Variants in NAA15 observed in about 807,000 individuals in gnomAD.
NAA15 encodes the protein N-alpha-acetyltransferase 15, NatA auxiliary subunit.
A neutral mutation model predicts 114.0 loss-of-function variants in NAA15; 34 were observed. The ratio of observed to expected loss-of-function variants is 0.30; its 90% confidence interval spans 0.23 to 0.40. The LOEUF (loss-of-function observed/expected upper bound fraction) is 0.40, where lower values mean the gene tolerates loss of function less well. NAA15 is among the 10% of genes least tolerant of loss of function. The pLI is 1.00. For missense variants in NAA15, 658 were observed against 1,004.5 expected, an observed-to-expected ratio of 0.66 and a Z score of 4.66; for synonymous variants, 340 against 338.0, an observed-to-expected ratio of 1.01 and a Z score of -0.06.
chr4:139,361,631 T>G (rs1748134019), intron 13 of NAA15, 93 bp from the exon 14 acceptor site: 2 of 751,872 alleles, frequency 2.7e-6, no homozygotes, highest in South Asian at 4.5e-5. Flanking sequence ...GTTTTTTTCA[T>G]GCCAAAGTAA....
Position 139,386,250 on chromosome 4 carries a change from C to T in NAA15, c.2400+20C>T. The T allele has an allele frequency of 7.1e-7, 1 of 1,406,860 alleles. No individual in the cohort carries two copies. Among genetic ancestry groups the T allele is most frequent in the Non-Finnish European group, 1.0e-6 (1 of 1,000,242 alleles). The allele number at this position is 1,406,860 out of a possible 1,614,324, so 87.1% of individuals were successfully genotyped here. A position where few individuals can be genotyped will look rare whatever the true frequency, so the allele number is the denominator to read the frequency against. On this transcript the variant is annotated intron_variant, in intron 19 of 19. Transcript: ENST00000296543. ...CTCCAGGTAAAGAGTTTTTCATAATCTCTCTGTAAGAATACTTAACTACTT... is the reference window on the plus strand; with the variant it reads ...CTCCAGGTAAAGAGTTTTTCATAATTTCTCTGTAAGAATACTTAACTACTT...
At chr4:139,371,003 A>G (rs922832823) in intron 15 of NAA15, among the ~76,000 whole-genome samples, 2 of 152,230 alleles carry the variant, frequency 1.3e-5, no homozygotes, top group African/African-American at 4.8e-5. Flanking sequence ...TGAAACCAAG[A>G]TACTCATTGT....
chr4:139,334,927 T>C (rs942596524), intron 2 of NAA15, among the ~76,000 whole-genome samples: 1 of 152,234 alleles, frequency 6.6e-6, no homozygotes, highest in Non-Finnish European at 1.5e-5. Flanking sequence ...TTTTTTGGCC[T>C]ATCTTTATAA....
At chr4:139,334,293 T>C (rs780835077) in intron 2 of NAA15, 35 bp downstream of exon 2, 2 of 1,360,544 alleles carry the variant, frequency 1.5e-6, no homozygotes, top group Admixed American at 4.5e-5. Flanking sequence ...ACTACATACC[T>C]GTCTGGCCTC....
chr4:139,323,325 C>T (rs936003771), intron 1 of NAA15, among the ~76,000 whole-genome samples: 4 of 152,138 alleles, frequency 2.6e-5, no homozygotes, highest in African/African-American at 9.7e-5. Context: ...TCCCAAAGGT[C>T]TAGGATTACA....
At chr4:139,364,651 C>T (rs1219326810) in intron 14 of NAA15, among the ~76,000 whole-genome samples, 2 of 152,282 alleles carry the variant, frequency 1.3e-5, no homozygotes, top group African/African-American at 2.4e-5. Context: ...ATTAAAACTA[C>T]ATGGTATTGA....
intron 3 of NAA15, among the ~76,000 whole-genome samples, chr4:139,338,860 G>C (rs1352584898): frequency 2.0e-5 from 3 of 152,112 alleles, no homozygotes; most frequent in African/African-American, 7.2e-5. Flanking sequence ...ACCCAGGCTA[G>C]AGTGCAGTGG....
rs147402226 is a variant in NAA15, at chr4:139,315,390, G to C, written c.54+13559G>C. 8.9e-3 allele frequency among the ~76,000 whole-genome samples: 1,353 copies of C among 151,880 alleles called. 30 individuals are homozygous for C. Among genetic ancestry groups the C allele is most frequent in the African/African-American group, 0.031 (1,301 of 41,352 alleles). On this transcript the variant is annotated intron_variant, in intron 1 of 19. Transcript: ENST00000296543. ...AAAAATTAGCCAGGCGTGGTGGTAC[G>C]TGCCTGTAATCCCCGCTACTTGGCA...
intron 11 of NAA15, among the ~76,000 whole-genome samples, 184 bp downstream of exon 11, chr4:139,357,739 AT>A (rs1748002130): frequency 6.6e-6 from 1 of 152,206 alleles, no homozygotes; most frequent in Non-Finnish European, 1.5e-5. Context: ...TAATTTGGTG[AT>A]TTATCTATAT....
chr4:139,357,470 C>G lies in NAA15; in HGVS notation c.1172C>G (p.Ser391Cys), dbSNP rs1346118711. ...CATTATGACAAAATTGGTCAGCCAT[C>G]TATTGCTTTGGAGTACATAAATACT... is the stretch of plus-strand genomic sequence containing the variant. ...AQHYDKIGQPSIALEYINTAI... is the reference protein window; with the variant it reads ...AQHYDKIGQPCIALEYINTAI... The change falls in exon 11 of 20, where the codon TCT (serine) becomes TGT (cysteine). Residue 391 changes from serine to cysteine, a missense_variant. Ser to Cys is a moderately radical substitution (Grantham distance 112). Around this residue, in one of 6 missense-constraint regions of NAA15, gnomAD observed 281 missense variants for 389.1 expected, o/e 0.72. Transcript: ENST00000296543. 1.2e-6 allele frequency: 2 copies of G among 1,613,500 alleles called. No homozygotes were observed. The highest frequency in any genetic ancestry group is 1.7e-6 in the Non-Finnish European group (2 of 1,179,638).
intron 1 of NAA15, among the ~76,000 whole-genome samples, chr4:139,333,082 G>T (rs951647160): frequency 6.6e-6 from 1 of 151,956 alleles, no homozygotes; most frequent in African/African-American, 2.4e-5. Flanking sequence ...TGTAAATACT[G>T]TGTAAATAGT....
Position 139,387,955 on chromosome 4 carries a change from T to C in NAA15, c.2472T>C (p.Tyr824=). ...LGDCKEAAEI[Y]RANCHKLFPY... is the part of the protein sequence containing the mutation. ...ACTGTAAAGAAGCTGCTGAAATTTA[T>C]AGAGCAAATTGTCATAAGCTTTTCC... is the stretch of plus-strand genomic sequence containing the variant. The change falls in exon 20 of 20, where the codon TAT becomes TAC. Residue 824 remains tyrosine, a synonymous_variant. Coordinates refer to ENST00000296543, the MANE Select transcript of NAA15 (RefSeq NM_057175.5). The C allele has an allele frequency of 1.2e-6, 2 of 1,614,062 alleles. No individual in the cohort carries two copies. The highest frequency in any genetic ancestry group is 1.1e-5 in the South Asian group (1 of 91,072).
chr4:139,370,228 G>T lies in NAA15; in HGVS notation c.1771G>T (p.Glu591Ter). The T allele has an allele frequency of 6.5e-7, 1 of 1,544,112 alleles. No homozygotes were observed. Among genetic ancestry groups the T allele is most frequent in the South Asian group, 1.3e-5 (1 of 78,482 alleles). The change falls in exon 15 of 20, where the codon GAG becomes TAG. Residue 591 changes from glutamate to a stop codon, truncating the protein, a stop_gained. Transcript: ENST00000296543. LOFTEE classifies it high-confidence loss of function. ...EADTANMSDK[E>*]LKKLRNKQRR... The stretch of plus-strand genomic sequence containing the variant: ...GCCTGCAGCAAACATGTCTGACAAA[G>T]AGCTAAAGAAGCTACGTAATAAACA...
chr4:139,310,843 T>C (rs1389702509), intron 1 of NAA15, among the ~76,000 whole-genome samples: 1 of 151,800 alleles, frequency 6.6e-6, no homozygotes, highest in Non-Finnish European at 1.5e-5. Flanking sequence ...GGTCTTGAAC[T>C]CCAGGCCTCA....
intron 11 of NAA15, among the ~76,000 whole-genome samples, chr4:139,359,373 C>T (rs72726522): frequency 0.26 from 40,147 of 151,816 alleles, 5,604 homozygotes; most frequent in African/African-American, 0.35. Flanking sequence ...GTGATCCACC[C>T]GGCTCGGCCT....
chr4:139,348,120 G>A (rs1054189551), intron 6 of NAA15, among the ~76,000 whole-genome samples: 14 of 151,650 alleles, frequency 9.2e-5, no homozygotes, highest in Non-Finnish European at 2.9e-5. Flanking sequence ...ATCTCATAGA[G>A]TTCTGAGAAT....
At chr4:139,331,503 G>A (rs572893516) in intron 1 of NAA15, among the ~76,000 whole-genome samples, 11 of 150,304 alleles carry the variant, frequency 7.3e-5, no homozygotes, top group Admixed American at 2.7e-4. Flanking sequence ...CTGTAGTGCA[G>A]TGGCATCATC....
chr4:139,352,593 C>T (rs1241367234), intron 9 of NAA15, among the ~76,000 whole-genome samples: 1 of 151,722 alleles, frequency 6.6e-6, no homozygotes, highest in Non-Finnish European at 1.5e-5. Context: ...TGTTGGAGAC[C>T]CAACGTATGG....
At chr4:139,341,193 CCTA>C in intron 4 of NAA15, 124 bp downstream of exon 4, 1 of 642,066 alleles carries the variant, frequency 1.6e-6, no homozygotes, top group Non-Finnish European at 2.4e-6. Flanking sequence ...TTTTTTTCCT[CCTA>C]CCACAGTGGT....
Sources: allele counts gnomAD v4.1 joint callset (sites outside exome capture counted in the v4.1 genomes callset), GRCh38; gene constraint gnomAD v4.1.1; regional missense constraint gnomAD v4.1.1; transcripts MANE v1.5; gene names NCBI Gene and HGNC (gene_info 2026-07-23, HGNC 2026-07-21).